The following DENND5B variants were observed in gnomAD, a reference collection of about 807,000 sequenced individuals.
DENND5B encodes DENN domain containing 5B, also known as DENN domain-containing protein 5B.
DENND5B carries 34 observed loss-of-function variants against 140.6 expected under a neutral mutation model. The observed-to-expected ratio is 0.24, with a 90% CI of 0.18 to 0.32. The LOEUF is 0.32. Ranked by LOEUF, DENND5B falls within the 10% of genes least tolerant of loss-of-function variation. The probability of loss-of-function intolerance (pLI) is 1.00; values close to 1 mark genes in which losing one functional copy is unlikely to be tolerated. For missense variants in DENND5B, 1,142 were observed against 1,560.2 expected, an observed-to-expected ratio of 0.73 and a Z score of 4.52; for synonymous variants, 551 against 562.1, an observed-to-expected ratio of 0.98 and a Z score of 0.28.
chr12:31,516,039 G>C (rs1947627616), intron 1 of DENND5B, among the ~76,000 whole-genome samples: 1 of 152,182 alleles, frequency 6.6e-6, no homozygotes, highest in Non-Finnish European at 1.5e-5. Flanking sequence ...CTTGCACGTA[G>C]ATGTATGGGT....
intron 1 of DENND5B, among the ~76,000 whole-genome samples, chr12:31,563,806 AT>A (rs1213341645): frequency 1.3e-5 from 2 of 152,198 alleles, no homozygotes; most frequent in Non-Finnish European, 2.9e-5. Context: ...TGCTCTCTAA[AT>A]TTAAAAAAAA....
intron 4 of DENND5B, among the ~76,000 whole-genome samples, chr12:31,454,678 C>T (rs547642565): frequency 3.9e-4 from 59 of 151,964 alleles, no homozygotes; most frequent in Non-Finnish European, 6.8e-4. Context: ...CTCCTGACCT[C>T]GTAATCCACC....
intron 1 of DENND5B, among the ~76,000 whole-genome samples, chr12:31,546,271 G>A (rs550765591): frequency 3.4e-4 from 51 of 152,096 alleles, no homozygotes; most frequent in African/African-American, 8.0e-4. Flanking sequence ...GCACGGTGTC[G>A]TTCTATAACC....
intron 17 of DENND5B, 106 bp downstream of exon 17, chr12:31,398,065 CTTCT>C (rs1373700774): frequency 5.8e-6 from 6 of 1,042,716 alleles, no homozygotes; most frequent in Admixed American, 4.9e-5. Flanking sequence ...CCTCAACTTT[CTTCT>C]TTTTAAAATC....
chr12:31,509,692 G>A (rs1565650466), intron 1 of DENND5B, among the ~76,000 whole-genome samples: 1 of 152,130 alleles, frequency 6.6e-6, no homozygotes. Context: ...CATTCTAAGA[G>A]GAGGGAGATA....
intron 1 of DENND5B, among the ~76,000 whole-genome samples, chr12:31,511,264 A>G (rs2138914064): frequency 6.6e-6 from 1 of 152,210 alleles, no homozygotes; most frequent in Non-Finnish European, 1.5e-5. Flanking sequence ...TTCTATTCAG[A>G]AGAGACCTCC....
At chr12:31,576,065 A>T (rs2604052) in intron 1 of DENND5B, among the ~76,000 whole-genome samples, 102,306 of 150,110 alleles carry the variant, frequency 0.68, 35,920 homozygotes, top group East Asian at 0.88. Flanking sequence ...TGCTTGAGCC[A>T]GGGAGGTTGA....
chr12:31,491,676 T>C (rs1377806803), intron 2 of DENND5B, among the ~76,000 whole-genome samples: 1 of 152,194 alleles, frequency 6.6e-6, no homozygotes, highest in Non-Finnish European at 1.5e-5. Flanking sequence ...TTCTGTTCTG[T>C]GATATTTACT....
chr12:31,450,872 C>T (rs745693238), intron 5 of DENND5B, among the ~76,000 whole-genome samples: 1 of 152,034 alleles, frequency 6.6e-6, no homozygotes, highest in Non-Finnish European at 1.5e-5. Context: ...AGTTACTATA[C>T]AACCCTAAGT....
chr12:31,567,332 A>T (rs968944035), intron 1 of DENND5B, among the ~76,000 whole-genome samples: 3 of 145,640 alleles, frequency 2.1e-5, no homozygotes, highest in Non-Finnish European at 4.5e-5. Flanking sequence ...AAAAAAAAAG[A>T]AGTTGCCAAA....
intron 3 of DENND5B, among the ~76,000 whole-genome samples, chr12:31,477,188 A>G (rs187582337): frequency 6.6e-6 from 1 of 151,812 alleles, no homozygotes; most frequent in Admixed American, 6.6e-5. Context: ...AGATCATGCC[A>G]CTGCACTCCA....
chr12:31,421,612 C>T (rs1312104439), intron 11 of DENND5B, among the ~76,000 whole-genome samples: 3 of 152,112 alleles, frequency 2.0e-5, no homozygotes, highest in African/African-American at 2.4e-5. Flanking sequence ...TGCAGTGGCG[C>T]AATCTTGGCT....
At chr12:31,452,610 GCC>G in intron 4 of DENND5B, 134 bp from the exon 5 acceptor site, 1 of 921,510 alleles carries the variant, frequency 1.1e-6, no homozygotes, top group Middle Eastern at 3.4e-4. Context: ...GATCGCTTGA[GCC>G]CAGGGGTTCG....
intron 20 of DENND5B, 92 bp from the exon 21 acceptor site, chr12:31,387,878 G>T: frequency 1.6e-6 from 2 of 1,288,814 alleles, no homozygotes; most frequent in Non-Finnish European, 1.1e-6. Flanking sequence ...GGAAGGTGTG[G>T]GACTTGATGG....
At chr12:31,521,718 C>T (rs1286139987) in intron 1 of DENND5B, among the ~76,000 whole-genome samples, 1 of 152,090 alleles carries the variant, frequency 6.6e-6, no homozygotes, top group African/African-American at 2.4e-5. Flanking sequence ...CTCTTGCTTC[C>T]CCTAGCCATT....
chr12:31,447,828 T>TTTTC, intron 5 of DENND5B, 59 bp from the exon 6 acceptor site: 1 of 1,184,220 alleles, frequency 8.4e-7, no homozygotes, highest in Non-Finnish European at 1.2e-6. Flanking sequence ...CACTACATGA[T>TTTTC]AAGCCTGAAA....
At chr12:31,417,782 C>T (rs566602563) in intron 11 of DENND5B, among the ~76,000 whole-genome samples, 1 of 152,156 alleles carries the variant, frequency 6.6e-6, no homozygotes, top group South Asian at 2.1e-4. Context: ...TTCTATCTTC[C>T]CATCTATAAA....
At chr12:31,556,758 A>G (rs1012364209) in intron 1 of DENND5B, among the ~76,000 whole-genome samples, 2 of 152,216 alleles carry the variant, frequency 1.3e-5, no homozygotes, top group Admixed American at 6.5e-5. Flanking sequence ...TCTTAACAAA[A>G]TACACACTGA....
chr12:31,389,577 T>G (rs1024058288), intron 19 of DENND5B, 79 bp from the exon 20 acceptor site: 1 of 1,373,250 alleles, frequency 7.3e-7, no homozygotes, highest in Admixed American at 2.2e-5. Flanking sequence ...TAATTTATTA[T>G]GGAAACACTA....
Sources: allele counts gnomAD v4.1 joint callset (sites outside exome capture counted in the v4.1 genomes callset), GRCh38; gene constraint gnomAD v4.1.1; transcripts MANE v1.5; gene names NCBI Gene and HGNC (gene_info 2026-07-23, HGNC 2026-07-21).